PPP4R4: variants seen among roughly 807,000 people sequenced by gnomAD.
PPP4R4 encodes the protein serine/threonine-protein phosphatase 4 regulatory subunit 4.
In PPP4R4, 70 loss-of-function variants were observed where a neutral mutation model predicts 121.8. The ratio of observed to expected loss-of-function variants is 0.57; its 90% CI spans 0.47 to 0.70. The LOEUF (loss-of-function observed/expected upper bound fraction) is 0.70. PPP4R4 is among the 30% of genes least tolerant of loss of function. The pLI, the probability that PPP4R4 is intolerant of heterozygous loss-of-function variation, is 0.00. For synonymous variants in PPP4R4, 348 were observed against 355.7 expected (o/e 0.98, Z 0.24); for missense variants, 875 against 1,033.6 (o/e 0.85, Z 2.10).
intron 2 of PPP4R4, among the ~76,000 whole-genome samples, chr14:94,177,205 C>T (rs955979806): frequency 2.0e-5 from 3 of 152,310 alleles, no homozygotes; most frequent in African/African-American, 7.2e-5. Flanking sequence ...ACCATTCCCT[C>T]TGATAATTGT....
chr14:94,182,362 G>A (rs914762949), intron 2 of PPP4R4, among the ~76,000 whole-genome samples: 1 of 152,148 alleles, frequency 6.6e-6, no homozygotes, highest in African/African-American at 2.4e-5. Context: ...CATGTACCCA[G>A]TATCCAGATT....
chr14:94,267,276 A>T (rs573467916), intron 23 of PPP4R4, among the ~76,000 whole-genome samples: 2 of 152,190 alleles, frequency 1.3e-5, no homozygotes, highest in Non-Finnish European at 2.9e-5. Flanking sequence ...GTGATAGGGT[A>T]TGTTTTGCCA....
intron 1 of PPP4R4, among the ~76,000 whole-genome samples, 158 bp downstream of exon 1, chr14:94,174,740 G>A (rs1251316050): frequency 6.6e-6 from 1 of 151,396 alleles, no homozygotes; most frequent in Non-Finnish European, 1.5e-5. Flanking sequence ...CTCTTGCCGT[G>A]TCGCCCTAAG....
At chr14:94,227,404 A>G (rs1197172368) in intron 3 of PPP4R4, 1 of 1,600,472 alleles carries the variant, frequency 6.2e-7, no homozygotes, top group Non-Finnish European at 8.5e-7. Flanking sequence ...TTATTGTATT[A>G]TGTTTCAGAA....
chr14:94,196,160 CTT>C (rs5810662), intron 2 of PPP4R4, among the ~76,000 whole-genome samples: 17 of 136,860 alleles, frequency 1.2e-4, no homozygotes, highest in Admixed American at 1.4e-4. Flanking sequence ...GCTTTTGAAT[CTT>C]TTTTTTTTTT....
chr14:94,276,784 A>G (rs1894666890), intron 24 of PPP4R4, among the ~76,000 whole-genome samples: 1 of 152,152 alleles, frequency 6.6e-6, no homozygotes, highest in Non-Finnish European at 1.5e-5. Context: ...TATATGCCCA[A>G]CTTCATTCAA....
chr14:94,258,941 G>T (rs915527482), intron 18 of PPP4R4, 117 bp downstream of exon 18: 2 of 982,508 alleles, frequency 2.0e-6, no homozygotes, highest in South Asian at 1.5e-5. Flanking sequence ...ACAGTTCCAC[G>T]TGGCTGGGGA....
At chr14:94,255,609 A>AG (rs531615425) in intron 16 of PPP4R4, among the ~76,000 whole-genome samples, 104 of 152,214 alleles carry the variant, frequency 6.8e-4, no homozygotes, top group African/African-American at 2.2e-3. Context: ...TCAAAAAAAA[A>AG]AAAAAATGGT....
rs989589380 is a variant in PPP4R4, at chr14:94,241,939, C to CTGTGCT, written c.1130_1135dup (p.Cys377_Ala378dup). 3.1e-6 allele frequency: 5 copies of CTGTGCT among 1,598,860 alleles called. No individual in the cohort carries two copies. The highest frequency in any genetic ancestry group is 4.3e-6 in the Non-Finnish European group (5 of 1,174,932). ...AGAAATATATTTCAGTACGGAAGAA[C>CTGTGCT]TGTGCTTATAACTTTCCGGTAATAA... On this transcript the variant is annotated inframe_insertion, in exon 10 of 25. Coordinates refer to ENST00000304338, the MANE Select transcript of PPP4R4 (RefSeq NM_058237.2).
chr14:94,240,584 C>A (rs911050689), intron 8 of PPP4R4, 89 bp from the exon 9 acceptor site: 5 of 1,368,824 alleles, frequency 3.7e-6, no homozygotes, highest in Non-Finnish European at 4.9e-6. Context: ...AGTAATTTTT[C>A]TTTCTGGAAT....
rs779616763 is a variant in PPP4R4, at chr14:94,174,460, C to A, written c.-6C>A. On this transcript the variant is annotated 5_prime_UTR_variant, in exon 1 of 25. Coordinates refer to ENST00000304338, the MANE Select transcript of PPP4R4 (RefSeq NM_058237.2). ...CGGCCCGGGCGGCGAGAGTGCCCGG[C>A]GGTCCATGCATCCGCCGCCGCCCGC... 1 of 1,591,136 alleles carries A rather than the reference C, an allele frequency of 6.3e-7. No homozygotes were observed. The highest frequency in any genetic ancestry group is 2.3e-5 in the East Asian group (1 of 43,108).
intron 23 of PPP4R4, among the ~76,000 whole-genome samples, chr14:94,274,894 C>G (rs1219712723): frequency 6.6e-6 from 1 of 152,110 alleles, no homozygotes; most frequent in Non-Finnish European, 1.5e-5. Flanking sequence ...ATAGAAATGT[C>G]TATCAACAGA....
rs922302274 is a variant in PPP4R4 at position 94,250,057 on chromosome 14, T to A, written c.1612-115T>A. 5 of 644,674 alleles carry A rather than the reference T, an allele frequency of 7.8e-6. No homozygotes were observed. The African/African-American group carries it at 9.0e-5, about 12-fold the overall frequency. 39.9% of individuals were successfully genotyped at this position (644,674 alleles called of 1,614,324 possible). On this transcript the variant is annotated intron_variant, in intron 14 of 24. Coordinates refer to ENST00000304338, the MANE Select transcript of PPP4R4 (RefSeq NM_058237.2). The stretch of plus-strand genomic sequence containing the variant: ...CCAGAAGGATGTAAGTTCAGTGAGT[T>A]GAGAGGCAGTGAACACTTTAGTTTT...
At chr14:94,208,696 A>T (rs552528985) in intron 3 of PPP4R4, 130 bp downstream of exon 3, 1 of 526,618 alleles carries the variant, frequency 1.9e-6, no homozygotes, top group African/African-American at 1.9e-5. Flanking sequence ...AAGTGTTATT[A>T]TATACATTTT....
intron 15 of PPP4R4, among the ~76,000 whole-genome samples, chr14:94,251,071 G>GTTTTCA (rs969972615): frequency 1.3e-5 from 2 of 151,802 alleles, no homozygotes; most frequent in Admixed American, 6.6e-5. Flanking sequence ...TTTTAATTCG[G>GTTTTCA]TTTTCATTTT....
At chr14:94,264,975 C>T (rs1258854199) in intron 20 of PPP4R4, 28 bp downstream of exon 20, 5 of 1,440,488 alleles carry the variant, frequency 3.5e-6, no homozygotes, top group Non-Finnish European at 4.8e-6. Flanking sequence ...GTCTTCAACA[C>T]TTAATTACAT....
chr14:94,202,027 A>G (rs181607763), intron 2 of PPP4R4, among the ~76,000 whole-genome samples: 5 of 152,108 alleles, frequency 3.3e-5, no homozygotes, highest in African/African-American at 7.2e-5. Context: ...GATGGAGACT[A>G]TTATTCTAAG....
chr14:94,232,074 A>T (rs1385244205), intron 5 of PPP4R4, among the ~76,000 whole-genome samples: 1 of 152,024 alleles, frequency 6.6e-6, no homozygotes, highest in Non-Finnish European at 1.5e-5. Context: ...ATTCTTTGTT[A>T]TATTTACAAA....
chr14:94,223,979 A>G (rs1344536380), intron 3 of PPP4R4, among the ~76,000 whole-genome samples: 1 of 152,080 alleles, frequency 6.6e-6, no homozygotes, highest in Non-Finnish European at 1.5e-5. Context: ...TTTTGCCAAA[A>G]CCCTTGTGAT....
Sources: gnomAD v4.1 joint callset for allele counts (sites outside exome capture counted in the v4.1 genomes callset) on GRCh38, gnomAD v4.1.1 for gene constraint, MANE v1.5 for transcripts, NCBI Gene and HGNC (gene_info 2026-07-23, HGNC 2026-07-21) for gene names.